Variants in SMURF2 observed in about 807,000 individuals in gnomAD.
SMURF2 encodes E3 ubiquitin-protein ligase SMURF2.
SMURF2 carries 48 observed loss-of-function variants against 109.6 expected under a neutral mutation model. The observed-to-expected ratio is 0.44, with a 90% CI of 0.35 to 0.56. The LOEUF is 0.56. Among genes scored for constraint, SMURF2 ranks in the 20% least tolerant of loss-of-function variants. SMURF2 has a pLI of 0.01. For synonymous variants in SMURF2, 288 were observed against 317.1 expected, an observed-to-expected ratio of 0.91 and a Z score of 0.97; for missense variants, 575 against 909.0, an observed-to-expected ratio of 0.63 and a Z score of 4.72.
intron 11 of SMURF2, among the ~76,000 whole-genome samples, chr17:64,562,531 C>T (rs1969236622): frequency 6.6e-6 from 1 of 151,524 alleles, no homozygotes; most frequent in Non-Finnish European, 1.5e-5. Context: ...AGGCATGTGC[C>T]ACCATGCCCA....
intron 1 of SMURF2, among the ~76,000 whole-genome samples, chr17:64,623,370 A>G (rs1444693494): frequency 1.3e-5 from 2 of 152,180 alleles, no homozygotes; most frequent in Non-Finnish European, 2.9e-5. Flanking sequence ...TAACTACTAT[A>G]AACACCGAAC....
intron 1 of SMURF2, among the ~76,000 whole-genome samples, chr17:64,637,558 CATT>C (rs782571600): frequency 6.6e-6 from 1 of 151,656 alleles, no homozygotes; most frequent in Non-Finnish European, 1.5e-5. Flanking sequence ...TGGTCCAACA[CATT>C]ATTATTATTA....
chr17:64,580,273 G>C (rs1462096931), intron 8 of SMURF2, among the ~76,000 whole-genome samples: 8 of 152,156 alleles, frequency 5.3e-5, no homozygotes, highest in Admixed American at 1.3e-4. Flanking sequence ...TTTTATATAA[G>C]ATTGTAATCA....
chr17:64,571,685 C>T (rs1227417387), intron 10 of SMURF2, 113 bp downstream of exon 10: 1 of 1,141,010 alleles, frequency 8.8e-7, no homozygotes, highest in African/African-American at 1.6e-5. Context: ...TCCCAAAGCA[C>T]TGGGATTAAA....
chr17:64,658,447 A>AT (rs1379137739), intron 1 of SMURF2, among the ~76,000 whole-genome samples: 1 of 152,254 alleles, frequency 6.6e-6, no homozygotes, highest in Non-Finnish European at 1.5e-5. Context: ...AATCGATAAA[A>AT]TATGTAGTGA....
At chr17:64,631,306 G>C (rs972061346) in intron 1 of SMURF2, among the ~76,000 whole-genome samples, 3 of 128,868 alleles carry the variant, frequency 2.3e-5, no homozygotes, top group Non-Finnish European at 4.8e-5. Context: ...GAGAGAGAGA[G>C]AGAGAGAGAG....
At position 64,661,798 on chromosome 17, in the gene SMURF2, C is replaced by G. The variant is rs993568188; in HGVS notation, c.52+31G>C. The G allele has an allele frequency of 2.4e-5, 29 of 1,217,894 alleles. No individual in the cohort carries two copies. In the African/African-American group the frequency reaches 3.8e-4, roughly 16 times the overall value. The allele number at this position is 1,217,894 out of a possible 1,614,324, so 75.4% of individuals were successfully genotyped here. On this transcript the variant is annotated intron_variant, in intron 1 of 18. Coordinates refer to ENST00000262435, the MANE Select transcript of SMURF2 (RefSeq NM_022739.4). ...CCCCGCCAGCTCGCCCACCCCGCGG[C>G]TGCCCAGCCCGGCCCGCCGCCCCCC...
In SMURF2 at chr17:64,583,521, G is replaced by A; in HGVS notation, c.509C>T (p.Ser170Phe). Residue 170 changes from serine (S) to phenylalanine (F), a missense_variant, in exon 7 of 19, where the codon TCT becomes TTT. By Grantham distance (155) the Ser-to-Phe change is radical. Transcript: ENST00000262435. Reference protein sequence around the residue: ...PDGWEERRTASGRIQYLNHIT... With the variant: ...PDGWEERRTAFGRIQYLNHIT... ...ATGGTTTAGATACTGGATTCTTCCA[G>A]AGGCGGTTCTCCTTTCTTCCCAGCT... 1 of 1,614,012 alleles carries A rather than the reference G, an allele frequency of 6.2e-7. No individual in the cohort carries two copies. Among genetic ancestry groups the A allele is most frequent in the Non-Finnish European group, 8.5e-7 (1 of 1,179,892 alleles).
Position 64,542,303 on chromosome 17 carries a change from G to A in SMURF2, c.*3545C>T, listed in dbSNP as rs1363068670. ...AATATTCTTTAAAAACGTTGATGCT[G>A]TGACAGTGCAAACAGCATTGATTTT... On this transcript the variant is annotated 3_prime_UTR_variant, in exon 19 of 19. Transcript: ENST00000262435. The A allele has an allele frequency of 6.6e-6, 1 of 152,166 alleles. No individual in the cohort carries two copies. Among genetic ancestry groups the A allele is most frequent in the Non-Finnish European group, 1.5e-5 (1 of 68,032 alleles). The allele number at this position is 152,166 out of a possible 1,614,324, so 9.4% of individuals were successfully genotyped here. A position where few individuals can be genotyped will look rare whatever the true frequency, so the allele number is the denominator to read the frequency against.
chr17:64,661,685 T>C, intron 1 of SMURF2, 144 bp downstream of exon 1: 1 of 472,794 alleles, frequency 2.1e-6, no homozygotes, highest in Non-Finnish European at 3.1e-6. Flanking sequence ...GTTTTCCAAT[T>C]ACTCTCCCTG....
In SMURF2 at chr17:64,545,803, G is replaced by T. The variant is rs371434148; in HGVS notation, c.*45C>A. 14 of 1,040,378 alleles carry T rather than the reference G, an allele frequency of 1.3e-5. No individual in the cohort carries two copies. The highest frequency in any genetic ancestry group is 2.1e-5 in the Non-Finnish European group (14 of 675,986). The allele number at this position is 1,040,378 out of a possible 1,614,324, so 64.4% of individuals were successfully genotyped here. A position where few individuals can be genotyped will look rare whatever the true frequency, so the allele number is the denominator to read the frequency against. On this transcript the variant is annotated 3_prime_UTR_variant, in exon 19 of 19. Coordinates refer to ENST00000262435, the MANE Select transcript of SMURF2 (RefSeq NM_022739.4). ...AAACTCTGCTGAAAGGAGGCTGTCA[G>T]TCAGGGTTGTATAAATAGAGTCCTG...
intron 3 of SMURF2, among the ~76,000 whole-genome samples, chr17:64,597,499 G>A (rs1442730989): frequency 4.6e-5 from 7 of 152,074 alleles, no homozygotes; most frequent in Non-Finnish European, 8.8e-5. Context: ...TAGGCTGGGC[G>A]CAGTGGCTCA....
At position 64,606,654 on chromosome 17, in the gene SMURF2, AAAC is replaced by A. The variant is rs1555689081; in HGVS notation, c.53-17_53-15del. On this transcript the variant is annotated splice_polypyrimidine_tract_variant and intron_variant, in intron 1 of 18. Coordinates refer to ENST00000262435, the MANE Select transcript of SMURF2 (RefSeq NM_022739.4). The stretch of plus-strand genomic sequence containing the variant: ...TTGCACAGAGTACTGTAAAAAAAAA[AAAC>A]AAAAAATACATGGGAAAAATTAAAA... 1 of 1,516,334 alleles carries A rather than the reference AAAC, an allele frequency of 6.6e-7. No homozygotes were observed. The highest frequency in any genetic ancestry group is 2.3e-5 in the Admixed American group (1 of 43,372). 93.9% of individuals were successfully genotyped at this position (1,516,334 alleles called of 1,614,324 possible). A position where few individuals can be genotyped will look rare whatever the true frequency, so the allele number is the denominator to read the frequency against.
rs1166319916 is a variant in SMURF2 at position 64,544,925 on chromosome 17, A to T, written c.*923T>A. On this transcript the variant is annotated 3_prime_UTR_variant, in exon 19 of 19. Transcript: ENST00000262435. ...ACTTTGGTTTATAGGAATAGTCCATATATTAAAGATAAGCTGACCCAGCAA... is the reference window on the plus strand; with the variant it reads ...ACTTTGGTTTATAGGAATAGTCCATTTATTAAAGATAAGCTGACCCAGCAA... The T allele has an allele frequency of 6.6e-6, 1 of 152,660 alleles. No individual in the cohort carries two copies. Among genetic ancestry groups the T allele is most frequent in the Non-Finnish European group, 1.5e-5 (1 of 68,042 alleles). The allele number at this position is 152,660 out of a possible 1,614,324, so 9.5% of individuals were successfully genotyped here.
intron 10 of SMURF2, among the ~76,000 whole-genome samples, chr17:64,563,750 A>G (rs962621717): frequency 3.3e-5 from 5 of 152,224 alleles, no homozygotes; most frequent in South Asian, 4.1e-4. Flanking sequence ...CCATGAAAGA[A>G]CAAATGGATA....
At chr17:64,604,697 G>A (rs1969945321) in intron 2 of SMURF2, among the ~76,000 whole-genome samples, 2 of 152,122 alleles carry the variant, frequency 1.3e-5, no homozygotes, top group African/African-American at 4.8e-5. Context: ...TATAATCCCA[G>A]CACTGTGGGA....
chr17:64,554,124 C>T (rs1190183861), intron 15 of SMURF2, among the ~76,000 whole-genome samples: 1 of 152,154 alleles, frequency 6.6e-6, no homozygotes, highest in Non-Finnish European at 1.5e-5. Flanking sequence ...TATAAACAGG[C>T]TAAGTGTTAG....
intron 2 of SMURF2, among the ~76,000 whole-genome samples, chr17:64,603,913 T>C (rs1969933812): frequency 6.6e-6 from 1 of 152,206 alleles, no homozygotes; most frequent in Admixed American, 6.5e-5. Context: ...ATCTATTTCA[T>C]CACCCTATAG....
intron 1 of SMURF2, among the ~76,000 whole-genome samples, chr17:64,612,307 A>G (rs1970056300): frequency 6.6e-6 from 1 of 152,088 alleles, no homozygotes; most frequent in Admixed American, 6.6e-5. Context: ...CCCTAAAATA[A>G]TCTAAATAAC....
Sources: allele counts gnomAD v4.1 joint callset (sites outside exome capture counted in the v4.1 genomes callset), GRCh38; gene constraint gnomAD v4.1.1; transcripts MANE v1.5; gene names NCBI Gene and HGNC (gene_info 2026-07-23, HGNC 2026-07-21).